The following ITIH5 variants were observed in gnomAD, a reference collection of about 807,000 sequenced individuals.
ITIH5 encodes inter-alpha-trypsin inhibitor heavy chain 5, also known as inter-alpha-trypsin inhibitor heavy chain H5.
A neutral mutation model predicts 77.5 loss-of-function variants in ITIH5; 65 were observed. The observed-to-expected ratio is 0.84, with a 90% CI of 0.69 to 1.03. The LOEUF (loss-of-function observed/expected upper bound fraction) is 1.03. ITIH5 is among the 50% of genes least tolerant of loss of function. The pLI is 0.00. For missense variants in ITIH5, 1,208 were observed against 1,213.1 expected, an observed-to-expected ratio of 1.00 and a Z score of 0.06; for synonymous variants, 525 against 494.3, an observed-to-expected ratio of 1.06 and a Z score of -0.82.
At chr10:7,625,502 C>T (rs189148181) in intron 5 of ITIH5, among the ~76,000 whole-genome samples, 8 of 152,278 alleles carry the variant, frequency 5.3e-5, no homozygotes, top group Admixed American at 5.2e-4. Context: ...ATGTGGATCA[C>T]ACCTGTAATC....
intron 7 of ITIH5, among the ~76,000 whole-genome samples, chr10:7,598,844 T>A (rs796861010): frequency 2.6e-5 from 4 of 152,238 alleles, no homozygotes; most frequent in South Asian, 2.1e-4. Flanking sequence ...TAACTTTTTT[T>A]AAAAAGGCTG....
intron 11 of ITIH5, chr10:7,571,820 A>C (rs150962734): frequency 1.1e-4 from 27 of 242,112 alleles, no homozygotes; most frequent in African/African-American, 6.0e-4. Context: ...AACAAAGACA[A>C]GAAAAAAAGT....
chr10:7,579,278 T>C (rs766807851), intron 9 of ITIH5, among the ~76,000 whole-genome samples: 4 of 152,162 alleles, frequency 2.6e-5, no homozygotes, highest in African/African-American at 9.7e-5. Context: ...ATAATCCCAG[T>C]ACTTTGGGAG....
intron 5 of ITIH5, chr10:7,622,193 G>A (rs994864132): frequency 1.3e-5 from 2 of 152,220 alleles, no homozygotes; most frequent in African/African-American, 4.8e-5. Context: ...AGGCCACCAG[G>A]ACTCCCAGGG....
At chr10:7,657,106 G>A (rs1588432300) in intron 1 of ITIH5, among the ~76,000 whole-genome samples, 1 of 135,232 alleles carries the variant, frequency 7.4e-6, no homozygotes, top group African/African-American at 2.8e-5. Context: ...GTGCAGTGAC[G>A]CCACCTTGGC....
intron 7 of ITIH5, among the ~76,000 whole-genome samples, chr10:7,608,275 G>A (rs1042498838): frequency 2.6e-5 from 4 of 152,204 alleles, no homozygotes; most frequent in South Asian, 2.1e-4. Context: ...GATCTCCGTC[G>A]TTTAATTTTT....
rs778030837 is a variant in ITIH5, at chr10:7,585,901, C to T, written c.1108G>A (p.Gly370Ser). 1 of 1,602,696 alleles carries T rather than the reference C, an allele frequency of 6.2e-7. No homozygotes were observed. The highest frequency in any genetic ancestry group is 1.1e-5 in the South Asian group (1 of 88,532). Reference protein sequence around the residue: ...VYIHHMSPTGGTDINGALQRA... With the variant: ...VYIHHMSPTGSTDINGALQRA... ...TGTGAAAAGAAGGTGTCATCTTTAC[C>T]TCCAGTGGGTGACATATGGTGAATG... The change falls in exon 8 of 14, where the codon GGC (glycine) becomes AGC (serine). Residue 370 changes from glycine (G) to serine (S), a missense_variant and splice_region_variant. Transcript: ENST00000397146.
intron 2 of ITIH5, among the ~76,000 whole-genome samples, chr10:7,647,924 C>T (rs899237457): frequency 2.0e-5 from 3 of 151,990 alleles, no homozygotes; most frequent in African/African-American, 7.2e-5. Context: ...TCCAAAGCCT[C>T]GATTTCCAAT....
chr10:7,604,421 C>A lies in ITIH5; in HGVS notation c.939+11561G>T, dbSNP rs143965073. 3.0e-4 allele frequency among the ~76,000 whole-genome samples: 46 copies of A among 152,346 alleles called. 1 individual carries two copies. Among genetic ancestry groups the A allele is most frequent in the Middle Eastern group, 3.4e-3 (1 of 294 alleles). ...GAAAGCCTCAGGCCCGAGGACCCAG[C>A]GAGTGGTAACTCTCCTGGGGGATAT... On this transcript the variant is annotated intron_variant, in intron 7 of 13. Coordinates refer to ENST00000397146, the MANE Select transcript of ITIH5 (RefSeq NM_030569.7).
intron 13 of ITIH5, among the ~76,000 whole-genome samples, chr10:7,564,316 ATATAG>A (rs1164771601): frequency 6.6e-6 from 1 of 152,280 alleles, no homozygotes; most frequent in African/African-American, 2.4e-5. Flanking sequence ...CATATTACAT[ATATAG>A]TAATCGAATT....
intron 11 of ITIH5, among the ~76,000 whole-genome samples, chr10:7,570,816 C>T (rs1310247620): frequency 6.6e-6 from 1 of 151,976 alleles, no homozygotes; most frequent in Non-Finnish European, 1.5e-5. Flanking sequence ...GGGACAGGGT[C>T]TCACTATGTT....
At chr10:7,601,939 A>G (rs1380188926) in intron 7 of ITIH5, among the ~76,000 whole-genome samples, 1 of 151,654 alleles carries the variant, frequency 6.6e-6, no homozygotes, top group African/African-American at 2.4e-5. Context: ...TGCAACCTCT[A>G]CCTCCCACGT....
intron 2 of ITIH5, among the ~76,000 whole-genome samples, chr10:7,644,975 A>G (rs1426755330): frequency 1.4e-5 from 2 of 144,730 alleles, no homozygotes; most frequent in African/African-American, 5.1e-5. Context: ...ATATATATCA[A>G]GCACACCTGA....
chr10:7,640,996 A>G (rs1156684308), intron 3 of ITIH5, 141 bp from the exon 4 acceptor site: 1 of 707,028 alleles, frequency 1.4e-6, no homozygotes, highest in Non-Finnish European at 2.5e-6. Flanking sequence ...AGACTAGGGC[A>G]CTACCTTTGA....
chr10:7,585,842 C>CA (rs373488153), intron 8 of ITIH5, 59 bp downstream of exon 8: 31,878 of 941,832 alleles, frequency 0.034, 2 homozygotes, highest in Non-Finnish European at 0.037. Flanking sequence ...AAAAAAAAAC[C>CA]AAAAAAAAAA....
rs376071464 is a variant in ITIH5, at chr10:7,576,496, G to C, written c.1935C>G (p.Pro645=). 1 of 1,609,402 alleles carries C rather than the reference G, an allele frequency of 6.2e-7. No homozygotes were observed. Among genetic ancestry groups the C allele is most frequent in the Non-Finnish European group, 8.5e-7 (1 of 1,179,762 alleles). Residue 645 remains proline, a synonymous_variant, in exon 10 of 14, where the codon CCC becomes CCG. Coordinates refer to ENST00000397146, the MANE Select transcript of ITIH5 (RefSeq NM_030569.7). ...CTCGCACGCTCTGCACCACCGGTTC[G>C]GGTCCCATGGCAGCCGACATGCCGT... ...EAHGMSAAMG[P]EPVVQSVRGA...
At chr10:7,663,338 A>G (rs1310455331) in intron 1 of ITIH5, among the ~76,000 whole-genome samples, 1 of 152,258 alleles carries the variant, frequency 6.6e-6, no homozygotes, top group African/African-American at 2.4e-5. Context: ...AATATTACCT[A>G]AGTGTTTACT....
chr10:7,610,089 G>A (rs1195951961), intron 7 of ITIH5, among the ~76,000 whole-genome samples: 2 of 57,008 alleles, frequency 3.5e-5, no homozygotes, highest in African/African-American at 1.4e-4. Flanking sequence ...TTTTTTTTTG[G>A]CTCTTCTCAG....
chr10:7,593,976 A>G (rs1832846768), intron 7 of ITIH5, among the ~76,000 whole-genome samples: 1 of 152,188 alleles, frequency 6.6e-6, no homozygotes, highest in Admixed American at 6.5e-5. Flanking sequence ...AAAGAGGAGG[A>G]GCGTCCACAC....
Sources: allele counts gnomAD v4.1 joint callset (sites outside exome capture counted in the v4.1 genomes callset), GRCh38; gene constraint gnomAD v4.1.1; transcripts MANE v1.5; gene names NCBI Gene and HGNC (gene_info 2026-07-23, HGNC 2026-07-21).